ANO10: variants seen among roughly 807,000 people sequenced by gnomAD.
ANO10 encodes anoctamin-10.
In ANO10, 77 loss-of-function variants were observed where a neutral mutation model predicts 74.7. The ratio of observed to expected loss-of-function variants is 1.03; its 90% CI spans 0.86 to 1.25. The LOEUF (loss-of-function observed/expected upper bound fraction) is 1.25, where lower values mean the gene tolerates loss of function less well. Among genes scored for constraint, ANO10 ranks in the 50% most tolerant of loss-of-function variants. ANO10 has a pLI of 0.00. For synonymous variants in ANO10, 279 were observed against 284.9 expected, an observed-to-expected ratio of 0.98 and a Z score of 0.21; for missense variants, 721 against 778.1, an observed-to-expected ratio of 0.93 and a Z score of 0.87.
chr3:43,507,999 A>T (rs1490246109), intron 11 of ANO10, among the ~76,000 whole-genome samples: 2 of 152,236 alleles, frequency 1.3e-5, no homozygotes, highest in African/African-American at 4.8e-5. Context: ...ACACTGAAAT[A>T]AAGTATAATT....
At chr3:43,402,143 A>G (rs150794377) in intron 12 of ANO10, among the ~76,000 whole-genome samples, 13 of 152,354 alleles carry the variant, frequency 8.5e-5, no homozygotes, top group African/African-American at 3.1e-4. Flanking sequence ...CAAATGCACA[A>G]ACACAAACAA....
chr3:43,649,788 C>T (rs552156639), intron 1 of ANO10, among the ~76,000 whole-genome samples: 2 of 152,306 alleles, frequency 1.3e-5, no homozygotes, highest in Admixed American at 6.5e-5. Flanking sequence ...TTCCCTGACC[C>T]CCCTTGCAGG....
intron 11 of ANO10, among the ~76,000 whole-genome samples, chr3:43,488,325 T>G (rs1365757644): frequency 3.3e-5 from 5 of 150,702 alleles, no homozygotes; most frequent in Non-Finnish European, 7.4e-5. Flanking sequence ...AAATGGGATC[T>G]AATTAAACTA....
At chr3:43,611,170 C>A (rs2082800285) in intron 1 of ANO10, among the ~76,000 whole-genome samples, 1 of 152,146 alleles carries the variant, frequency 6.6e-6, no homozygotes, top group South Asian at 2.1e-4. Context: ...ACTCACAACT[C>A]CAGATCAAGG....
rs556049416 is a variant in ANO10 at position 43,666,647 on chromosome 3, T to C, written c.-12+24870A>G. ...CTGTCTCAGACTATTCCTGCTTCTA[T>C]AGTAAAATAGATGGGTAATTTATAA... On this transcript the variant is annotated intron_variant, in intron 1 of 3. Transcript: ENST00000413397. 4.6e-5 allele frequency among the ~76,000 whole-genome samples: 7 copies of C among 152,278 alleles called. No homozygotes were observed. The East Asian group carries it at 5.8e-4, about 13-fold the overall frequency.
intron 12 of ANO10, among the ~76,000 whole-genome samples, chr3:43,390,403 G>C (rs1392715822): frequency 6.6e-6 from 1 of 152,242 alleles, no homozygotes. Flanking sequence ...TCTGTGCCCA[G>C]TACACTGAAC....
chr3:43,545,825 T>G (rs1357117751), intron 11 of ANO10, among the ~76,000 whole-genome samples: 2 of 152,218 alleles, frequency 1.3e-5, no homozygotes, highest in Non-Finnish European at 2.9e-5. Context: ...AATTATCATA[T>G]CTATCACCTC....
At chr3:43,536,977 C>A (rs1359285821) in intron 11 of ANO10, among the ~76,000 whole-genome samples, 2 of 101,820 alleles carry the variant, frequency 2.0e-5, no homozygotes, top group Non-Finnish European at 3.6e-5. Flanking sequence ...AATCAAGATA[C>A]AGAACAATTT....
chr3:43,571,244 A>C (rs1463579962), intron 7 of ANO10, among the ~76,000 whole-genome samples: 19 of 152,200 alleles, frequency 1.2e-4, no homozygotes, highest in East Asian at 7.7e-4. Flanking sequence ...GTGGGACTGT[A>C]AACTAGTTCA....
At position 43,501,967 on chromosome 3, in the gene ANO10, A is replaced by G. The variant is rs553705391; in HGVS notation, c.1797+47753T>C. ...TTTTCCACTTTTCTCCTTACCTCAC[A>G]CCCATAGGATGGCTACTATAAACAA... On this transcript the variant is annotated intron_variant, in intron 11 of 12. Transcript: ENST00000292246. Among the ~76,000 whole-genome samples, 3 of 152,288 alleles carry G rather than the reference A, an allele frequency of 2.0e-5. No homozygotes were observed. The South Asian group carries it at 6.2e-4, about 32-fold the overall frequency.
Position 43,570,797 on chromosome 3 carries a change from C to T in ANO10, c.1218+4012G>A, listed in dbSNP as rs1408985628. On this transcript the variant is annotated intron_variant, in intron 7 of 12. Coordinates refer to ENST00000292246, the MANE Select transcript of ANO10 (RefSeq NM_018075.5). ...GGGCAAGGACTTCATGTCTAAAACA[C>T]CAAAAGCAATGGCAACAAAAGACAA... Among the ~76,000 whole-genome samples, 3 of 143,252 alleles carry T rather than the reference C, an allele frequency of 2.1e-5. No homozygotes were observed. In the Admixed American group the frequency reaches 2.1e-4, roughly 10 times the overall value. 94.0% of individuals were successfully genotyped at this position (143,252 alleles called of 152,430 possible). A position where few individuals can be genotyped will look rare whatever the true frequency, so the allele number is the denominator to read the frequency against.
intron 12 of ANO10, among the ~76,000 whole-genome samples, chr3:43,377,817 G>T (rs1217738244): frequency 6.6e-6 from 1 of 152,236 alleles, no homozygotes; most frequent in African/African-American, 2.4e-5. Context: ...AGCCTTGACA[G>T]TTTGGTTAGA....
intron 1 of ANO10, among the ~76,000 whole-genome samples, chr3:43,619,865 G>A (rs942618805): frequency 1.6e-5 from 2 of 128,154 alleles, no homozygotes; most frequent in Non-Finnish European, 3.2e-5. Flanking sequence ...GTGAGACCTT[G>A]TCCAAAAAAA....
At chr3:43,513,581 C>T (rs1348404159) in intron 11 of ANO10, among the ~76,000 whole-genome samples, 3 of 152,180 alleles carry the variant, frequency 2.0e-5, no homozygotes, top group African/African-American at 4.8e-5. Flanking sequence ...ATGATCTCCA[C>T]TCACTGCAAG....
At chr3:43,421,244 G>C (rs892290898) in intron 12 of ANO10, among the ~76,000 whole-genome samples, 1 of 146,510 alleles carries the variant, frequency 6.8e-6, no homozygotes, top group African/African-American at 2.5e-5. Context: ...GCCAGGGCTG[G>C]GAGCGGTGGC....
intron 4 of ANO10, among the ~76,000 whole-genome samples, chr3:43,595,676 T>G (rs1236373820): frequency 2.0e-5 from 3 of 152,098 alleles, no homozygotes; most frequent in Admixed American, 1.3e-4. Flanking sequence ...GCAAAAACTG[T>G]AAGTATTCCC....
intron 11 of ANO10, among the ~76,000 whole-genome samples, chr3:43,543,276 AAACT>A (rs2079034810): frequency 6.6e-6 from 1 of 152,230 alleles, no homozygotes; most frequent in African/African-American, 2.4e-5. Flanking sequence ...TTCAAATCTG[AAACT>A]AGGAAAATAA....
intron 11 of ANO10, among the ~76,000 whole-genome samples, chr3:43,448,702 T>G (rs1317843656): frequency 6.6e-6 from 1 of 152,192 alleles, no homozygotes; most frequent in Non-Finnish European, 1.5e-5. Flanking sequence ...CCCATTTGGG[T>G]AAATACCAAG....
In ANO10 at chr3:43,679,137, C is replaced by T. The variant is rs1204210593; in HGVS notation, c.-12+12380G>A. Among the ~76,000 whole-genome samples the T allele has an allele frequency of 2.6e-5, 4 of 152,112 alleles. No individual in the cohort carries two copies. In the South Asian group the frequency reaches 8.3e-4, roughly 32 times the overall value. On this transcript the variant is annotated intron_variant, in intron 1 of 3. Coordinates refer to the ANO10 transcript ENST00000413397. Reference sequence around the variant, plus strand: ...GCACCAAGTGTGAGCCGAAGCAGGGCGAGGCATCGCCTCACCTGGGAAGCG... The same window carrying T: ...GCACCAAGTGTGAGCCGAAGCAGGGTGAGGCATCGCCTCACCTGGGAAGCG...
Sources: gnomAD v4.1 joint callset for allele counts (sites outside exome capture counted in the v4.1 genomes callset) on GRCh38, gnomAD v4.1.1 for gene constraint, MANE v1.5 for transcripts, NCBI Gene and HGNC (gene_info 2026-07-23, HGNC 2026-07-21) for gene names.